EYA4: variants seen among roughly 807,000 people sequenced by gnomAD.
EYA4 encodes the protein protein phosphatase EYA4.
EYA4 carries 31 observed loss-of-function variants against 87.9 expected under a neutral mutation model. The ratio of observed to expected loss-of-function variants is 0.35; its 90% confidence interval spans 0.27 to 0.48. The LOEUF (loss-of-function observed/expected upper bound fraction) is 0.48, where lower values mean the gene tolerates loss of function less well. Among genes scored for constraint, EYA4 ranks in the 20% least tolerant of loss-of-function variants. EYA4 has a pLI of 0.99. For missense variants in EYA4, 678 were observed against 761.4 expected, an observed-to-expected ratio of 0.89 and a Z score of 1.29; for synonymous variants, 263 against 270.6, an observed-to-expected ratio of 0.97 and a Z score of 0.28.
chr6:133,264,426 A>G (rs373864262), intron 1 of EYA4, among the ~76,000 whole-genome samples: 4 of 152,346 alleles, frequency 2.6e-5, no homozygotes, highest in Admixed American at 1.3e-4. Context: ...TTGCACTGTG[A>G]ACGGTAACGT....
chr6:133,372,891 A>T (rs1785384652), intron 2 of EYA4, among the ~76,000 whole-genome samples: 1 of 151,890 alleles, frequency 6.6e-6, no homozygotes, highest in South Asian at 2.1e-4. Context: ...AGTTATGGTG[A>T]TACTATTGGG....
intron 1 of EYA4, among the ~76,000 whole-genome samples, chr6:133,257,385 G>A (rs1044026719): frequency 3.3e-5 from 5 of 151,954 alleles, no homozygotes; most frequent in African/African-American, 7.3e-5. Context: ...CACTTCAACT[G>A]GCTTGAATAT....
At chr6:133,425,666 C>T (rs908047966) in intron 3 of EYA4, among the ~76,000 whole-genome samples, 2 of 150,634 alleles carry the variant, frequency 1.3e-5, no homozygotes, top group Non-Finnish European at 2.9e-5. Flanking sequence ...TCCTAAATGC[C>T]CCCACTTTGT....
At chr6:133,403,578 G>A (rs1788446532) in intron 3 of EYA4, among the ~76,000 whole-genome samples, 1 of 152,142 alleles carries the variant, frequency 6.6e-6, no homozygotes, top group African/African-American at 2.4e-5. Context: ...TGAAGAAAGT[G>A]TTCATTAAGA....
intron 2 of EYA4, among the ~76,000 whole-genome samples, chr6:133,309,559 C>T (rs1349799513): frequency 6.6e-6 from 1 of 152,144 alleles, no homozygotes; most frequent in Non-Finnish European, 1.5e-5. Flanking sequence ...CAGTACTATT[C>T]CAAAATATTT....
intron 13 of EYA4, among the ~76,000 whole-genome samples, chr6:133,490,628 T>C (rs1383061185): frequency 6.6e-6 from 1 of 151,864 alleles, no homozygotes; most frequent in Non-Finnish European, 1.5e-5. Flanking sequence ...CATATAATAA[T>C]AAAGGAGTCA....
intron 13 of EYA4, among the ~76,000 whole-genome samples, chr6:133,486,985 G>C (rs1315113771): frequency 6.6e-6 from 1 of 152,216 alleles, no homozygotes. Flanking sequence ...AGGCACTGAA[G>C]AGGGTAAGAA....
intron 2 of EYA4, among the ~76,000 whole-genome samples, chr6:133,303,325 A>G (rs1779556801): frequency 6.6e-6 from 1 of 152,118 alleles, no homozygotes; most frequent in Non-Finnish European, 1.5e-5. Flanking sequence ...TCTTCTTGTC[A>G]TTTGGATTTC....
At chr6:133,499,663 T>G (rs1235978538) in intron 13 of EYA4, among the ~76,000 whole-genome samples, 1 of 152,210 alleles carries the variant, frequency 6.6e-6, no homozygotes, top group Non-Finnish European at 1.5e-5. Flanking sequence ...CTTTACCAGC[T>G]CCCCAGCAGG....
intron 1 of EYA4, among the ~76,000 whole-genome samples, chr6:133,265,448 T>C (rs1257357326): frequency 1.3e-5 from 2 of 152,208 alleles, no homozygotes; most frequent in African/African-American, 4.8e-5. Context: ...CTTATATCTT[T>C]ATTATGAGGT....
chr6:133,360,722 G>A (rs1784389445), intron 2 of EYA4: 1 of 152,128 alleles, frequency 6.6e-6, no homozygotes, highest in African/African-American at 2.4e-5. Flanking sequence ...GCCTGGTCGT[G>A]TTCCTCTCTA....
At chr6:133,334,060 G>A (rs967910677) in intron 2 of EYA4, among the ~76,000 whole-genome samples, 2 of 152,150 alleles carry the variant, frequency 1.3e-5, no homozygotes, top group Admixed American at 1.3e-4. Context: ...AAAAGACAGA[G>A]CAGAACAACA....
At chr6:133,258,144 T>A (rs947315898) in intron 1 of EYA4, among the ~76,000 whole-genome samples, 1 of 152,186 alleles carries the variant, frequency 6.6e-6, no homozygotes, top group African/African-American at 2.4e-5. Flanking sequence ...TGAATCTAGT[T>A]TGTTCAAGTG....
intron 1 of EYA4, among the ~76,000 whole-genome samples, chr6:133,254,015 G>C (rs988178753): frequency 6.6e-6 from 1 of 152,058 alleles, no homozygotes; most frequent in African/African-American, 2.4e-5. Flanking sequence ...TTGGAAAACT[G>C]GTTCTCTTTT....
chr6:133,272,882 T>C lies in EYA4; in HGVS notation c.-65-1834T>C, dbSNP rs551560786. ...ATGATCTCAACCTATTTTCAAACTT[T>C]AAATGGGTTAGAAGCCTGGCTCGCT... On this transcript the variant is annotated intron_variant, in intron 1 of 19. Coordinates refer to ENST00000355286, the MANE Select transcript of EYA4 (RefSeq NM_004100.5). Among the ~76,000 whole-genome samples the C allele has an allele frequency of 2.0e-4, 30 of 152,068 alleles. No homozygotes were observed. In the East Asian group the frequency reaches 5.0e-3, roughly 26 times the overall value.
intron 2 of EYA4, chr6:133,325,086 A>G (rs1429326468): frequency 6.6e-6 from 1 of 152,018 alleles, no homozygotes; most frequent in Non-Finnish European, 1.5e-5. Context: ...AATTTTGTGT[A>G]TTTTTAGTAA....
chr6:133,256,688 T>A (rs145976329), intron 1 of EYA4, among the ~76,000 whole-genome samples: 64 of 152,204 alleles, frequency 4.2e-4, no homozygotes, highest in African/African-American at 1.4e-3. Context: ...AGTTAATGCA[T>A]CAAAATCCAG....
chr6:133,462,556 G>A, intron 8 of EYA4, 65 bp from the exon 9 acceptor site: 1 of 1,611,844 alleles, frequency 6.2e-7, no homozygotes, highest in South Asian at 1.1e-5. Context: ...TCTATTGTAG[G>A]TTACAACTTA....
At position 133,501,464 on chromosome 6, in the gene EYA4, T is replaced by C. The variant is rs115508215; in HGVS notation, c.1192-4642T>C. Among the ~76,000 whole-genome samples the C allele has an allele frequency of 6.4e-3, 968 of 152,206 alleles. 11 individuals carry two copies. The highest frequency in any genetic ancestry group is 0.021 in the African/African-American group (861 of 41,534). ...GTTCCTGAAACCATTTTCCAGTTCC[T>C]CCTAAGAACCTGTAAGCCCACTACC... On this transcript the variant is annotated intron_variant, in intron 13 of 19. Coordinates refer to ENST00000355286, the MANE Select transcript of EYA4 (RefSeq NM_004100.5).
Sources: allele counts gnomAD v4.1 joint callset (sites outside exome capture counted in the v4.1 genomes callset), GRCh38; gene constraint gnomAD v4.1.1; transcripts MANE v1.5; gene names NCBI Gene and HGNC (gene_info 2026-07-23, HGNC 2026-07-21).